CSMD1: variants seen among roughly 807,000 people sequenced by gnomAD.
CSMD1 encodes CUB and sushi domain-containing protein 1.
In CSMD1, 213 loss-of-function variants were observed where a neutral mutation model predicts 417.5. The ratio of observed to expected loss-of-function variants is 0.51; its 90% confidence interval spans 0.46 to 0.57. The LOEUF is 0.57. Among genes scored for constraint, CSMD1 ranks in the 20% least tolerant of loss-of-function variants. The pLI, the probability that CSMD1 is intolerant of heterozygous loss-of-function variation, is 0.00. For synonymous variants in CSMD1, 2,862 were observed against 1,736.8 expected, an observed-to-expected ratio of 1.65 and a Z score of -16.11; for missense variants, 6,923 against 4,529.7, an observed-to-expected ratio of 1.53 and a Z score of -15.17.
At chr8:4,077,305 A>ATATATATATATGTG (rs1563092832) in intron 3 of CSMD1, among the ~76,000 whole-genome samples, 4 of 130,356 alleles carry the variant, frequency 3.1e-5, no homozygotes, top group African/African-American at 8.4e-5. Context: ...GTGTATATAT[A>ATATATATATATGTG]TATATATATA....
At chr8:3,284,477 G>C (rs996885506) in intron 25 of CSMD1, 131 bp from the exon 26 acceptor site, 32 of 666,908 alleles carry the variant, frequency 4.8e-5, no homozygotes, top group Non-Finnish European at 7.6e-5. Flanking sequence ...CTTACTGTCT[G>C]ACAATGAAGG....
intron 54 of CSMD1, among the ~76,000 whole-genome samples, chr8:2,982,068 G>GT (rs1805468203): frequency 6.6e-6 from 1 of 151,998 alleles, no homozygotes; most frequent in African/African-American, 2.4e-5. Flanking sequence ...ACGAATATGG[G>GT]TAACAGGCCA....
At chr8:3,286,000 C>T (rs1354530505) in intron 25 of CSMD1, among the ~76,000 whole-genome samples, 3 of 152,092 alleles carry the variant, frequency 2.0e-5, no homozygotes, top group African/African-American at 7.2e-5. Context: ...CAACAGGCCC[C>T]AGTGTGTGAT....
intron 10 of CSMD1, among the ~76,000 whole-genome samples, chr8:3,539,799 CA>C (rs1349343255): frequency 6.7e-6 from 1 of 149,082 alleles, no homozygotes; most frequent in Non-Finnish European, 1.5e-5. Context: ...AAAATGCCTA[CA>C]AAAAAGGAAA....
intron 55 of CSMD1, among the ~76,000 whole-genome samples, chr8:2,977,010 T>C (rs1447509504): frequency 2.0e-5 from 3 of 151,738 alleles, no homozygotes; most frequent in East Asian, 1.9e-4. Flanking sequence ...GATTTAAAGA[T>C]TCAATTCACA....
intron 3 of CSMD1, among the ~76,000 whole-genome samples, chr8:4,332,418 G>A (rs966645952): frequency 6.6e-6 from 1 of 152,042 alleles, no homozygotes; most frequent in Non-Finnish European, 1.5e-5. Context: ...ATTCTTTCTA[G>A]GCACCTGTGA....
At position 3,869,767 on chromosome 8, in the gene CSMD1, G is replaced by A. The variant is rs1233261577; in HGVS notation, c.819-115725C>T. ...AGCACTAGCAGGCAACACGGGGCCA[G>A]GGGTTTGATGTCAGGGAAGGCAAGA... On this transcript the variant is annotated intron_variant, in intron 5 of 69. Coordinates refer to ENST00000635120, the MANE Select transcript of CSMD1 (RefSeq NM_033225.6). 2.6e-5 allele frequency among the ~76,000 whole-genome samples: 4 copies of A among 152,082 alleles called. No homozygotes were observed. In the East Asian group the frequency reaches 5.8e-4, roughly 22 times the overall value.
intron 3 of CSMD1, among the ~76,000 whole-genome samples, chr8:4,328,164 G>A (rs1437965914): frequency 6.6e-6 from 1 of 151,634 alleles, no homozygotes; most frequent in East Asian, 1.9e-4. Flanking sequence ...TGCCTCATTC[G>A]AGGTCACATT....
intron 3 of CSMD1, among the ~76,000 whole-genome samples, chr8:4,248,018 GA>G (rs1802816846): frequency 1.3e-5 from 2 of 152,226 alleles, no homozygotes; most frequent in South Asian, 2.1e-4. Context: ...ATTGTATATA[GA>G]TTTTTCATTT....
rs745932579 is a variant in CSMD1 at position 4,870,764 on chromosome 8, C to A, written c.85+123568G>T. Among the ~76,000 whole-genome samples the A allele has an allele frequency of 1.2e-3, 181 of 152,144 alleles. 6 individuals are homozygous for A. Among genetic ancestry groups the A allele is most frequent in the Admixed American group, 3.3e-4 (5 of 15,286 alleles). On this transcript the variant is annotated intron_variant, in intron 1 of 69. Coordinates refer to ENST00000635120, the MANE Select transcript of CSMD1 (RefSeq NM_033225.6). ...ACTATGTGAGCCTGCTCCATTCAGG[C>A]TGAGCAGAACCCTGGTCCTCGGAAA...
chr8:3,092,766 T>C (rs542289636), intron 47 of CSMD1, among the ~76,000 whole-genome samples: 15 of 152,328 alleles, frequency 9.8e-5, no homozygotes, highest in Middle Eastern at 3.4e-3. Flanking sequence ...AATTGCTTCA[T>C]GGCACTGGGG....
chr8:3,448,870 A>C (rs1332250847), intron 12 of CSMD1, among the ~76,000 whole-genome samples: 1 of 152,230 alleles, frequency 6.6e-6, no homozygotes, highest in African/African-American at 2.4e-5. Context: ...TGGAAAACTT[A>C]CGCAGGCATA....
chr8:4,940,222 C>T (rs4360312), intron 1 of CSMD1, among the ~76,000 whole-genome samples: 76,400 of 151,978 alleles, frequency 0.5, 20,409 homozygotes, highest in East Asian at 0.79. Flanking sequence ...CTAGTCAAAG[C>T]GTATTTGAGA....
intron 50 of CSMD1, among the ~76,000 whole-genome samples, chr8:3,048,854 C>A (rs1811631258): frequency 6.7e-6 from 1 of 148,320 alleles, no homozygotes; most frequent in African/African-American, 2.5e-5. Flanking sequence ...GAACTGGTAT[C>A]TAAACTATAT....
chr8:4,048,925 C>T (rs1401189063), intron 3 of CSMD1, among the ~76,000 whole-genome samples: 1 of 152,122 alleles, frequency 6.6e-6, no homozygotes, highest in Non-Finnish European at 1.5e-5. Flanking sequence ...TTTCCAATTT[C>T]AAATGCTGCA....
intron 13 of CSMD1, among the ~76,000 whole-genome samples, chr8:3,408,745 ATAAAG>A (rs1266342266): frequency 6.6e-6 from 1 of 152,096 alleles, no homozygotes; most frequent in African/African-American, 2.4e-5. Flanking sequence ...GTTGGATAAT[ATAAAG>A]TATTTTGAAA....
chr8:3,662,610 C>T (rs1188548882), intron 7 of CSMD1, among the ~76,000 whole-genome samples: 3 of 152,200 alleles, frequency 2.0e-5, no homozygotes, highest in Non-Finnish European at 4.4e-5. Context: ...CTTGAAGAAT[C>T]TCCACACTGT....
chr8:3,309,236 G>A (rs903532047), intron 23 of CSMD1, among the ~76,000 whole-genome samples: 7 of 152,120 alleles, frequency 4.6e-5, no homozygotes, highest in Non-Finnish European at 1.0e-4. Context: ...AATCCTGACA[G>A]CCAGCACTTA....
At chr8:4,264,863 G>C (rs1230383537) in intron 3 of CSMD1, among the ~76,000 whole-genome samples, 3 of 152,156 alleles carry the variant, frequency 2.0e-5, no homozygotes, top group Admixed American at 6.6e-5. Context: ...AGTAAATTAA[G>C]TGCCCTAGGT....
Sources: gnomAD v4.1 joint callset for allele counts (sites outside exome capture counted in the v4.1 genomes callset) on GRCh38, gnomAD v4.1.1 for gene constraint, MANE v1.5 for transcripts, NCBI Gene and HGNC (gene_info 2026-07-23, HGNC 2026-07-21) for gene names.